The following ZFYVE28 variants were observed in gnomAD, a reference collection of about 807,000 sequenced individuals.
ZFYVE28 encodes lateral signaling target protein 2 homolog.
A neutral mutation model predicts 82.1 loss-of-function variants in ZFYVE28; 40 were observed. That is an observed-to-expected ratio of 0.49 (90% CI 0.38 to 0.63). ZFYVE28 has a LOEUF of 0.63. Ranked by LOEUF, ZFYVE28 falls within the 30% of genes least tolerant of loss-of-function variation. The pLI is 0.00. For synonymous variants in ZFYVE28, 612 were observed against 546.1 expected, an observed-to-expected ratio of 1.12 and a Z score of -1.68; for missense variants, 1,321 against 1,242.1, an observed-to-expected ratio of 1.06 and a Z score of -0.96.
chr4:2,328,948 T>C (rs1355081486), intron 6 of ZFYVE28: 1 of 493,746 alleles, frequency 2.0e-6, no homozygotes, highest in African/African-American at 1.9e-5. Context: ...TGTTTGGGTT[T>C]ATTTATGGCT....
chr4:2,303,558 A>G (rs1398920657), intron 8 of ZFYVE28, among the ~76,000 whole-genome samples: 1 of 152,118 alleles, frequency 6.6e-6, no homozygotes, highest in Admixed American at 6.5e-5. Flanking sequence ...CAGGGGGTCA[A>G]TGGCCCTGAC....
Position 2,353,970 on chromosome 4 carries a change from C to T in ZFYVE28, c.143G>A (p.Arg48Gln), listed in dbSNP as rs371207425. The T allele has an allele frequency of 1.3e-5, 20 of 1,578,996 alleles. No homozygotes were observed. The highest frequency in any genetic ancestry group is 1.1e-4 in the African/African-American group (8 of 73,300). Residue 48 changes from arginine to glutamine, a missense_variant, in exon 2 of 13, where the codon CGG becomes CAG. Transcript: ENST00000290974. ...GAACTGGCTGACCAGCAGCGTGCAC[C>T]GCTGGGGGTCCTTCCGCCCATCCAG... The part of the protein sequence containing the change: ...DSLDGRKDPQ[R>Q]CTLLVSQFRS...
chr4:2,414,633 C>G lies in ZFYVE28; in HGVS notation c.39+3652G>C, dbSNP rs143137819. On this transcript the variant is annotated intron_variant, in intron 1 of 12. Coordinates refer to ENST00000290974, the MANE Select transcript of ZFYVE28 (RefSeq NM_020972.3). ...CCAGCCAGCATAACCCACTGAGGGTCAATTCCTCCTCAAAGATGGAAAACA... is the reference window on the plus strand; with the variant it reads ...CCAGCCAGCATAACCCACTGAGGGTGAATTCCTCCTCAAAGATGGAAAACA... Among the ~76,000 whole-genome samples the G allele has an allele frequency of 5.3e-3, 806 of 152,322 alleles. 6 individuals are homozygous for G. Among genetic ancestry groups the G allele is most frequent in the Middle Eastern group, 0.014 (4 of 294 alleles).
Position 2,270,008 on chromosome 4 carries a change from C to T in ZFYVE28, c.*717G>A, listed in dbSNP as rs1225552218. 2.0e-5 allele frequency: 3 copies of T among 152,310 alleles called. No individual in the cohort carries two copies. The highest frequency in any genetic ancestry group is 4.4e-5 in the Non-Finnish European group (3 of 68,162). 9.4% of individuals were successfully genotyped at this position (152,310 alleles called of 1,614,324 possible). The stretch of plus-strand genomic sequence containing the variant: ...GATTGGTAAACCCGACCCAAGGCCC[C>T]GAGCAACCTCTGCCTGCGGTGTCAG... On this transcript the variant is annotated 3_prime_UTR_variant, in exon 13 of 13. Coordinates refer to ENST00000290974, the MANE Select transcript of ZFYVE28 (RefSeq NM_020972.3).
At chr4:2,346,008 C>A (rs1723481491) in intron 2 of ZFYVE28, among the ~76,000 whole-genome samples, 1 of 151,888 alleles carries the variant, frequency 6.6e-6, no homozygotes, top group Non-Finnish European at 1.5e-5. Flanking sequence ...AATTCATGAC[C>A]AGTAGATTTG....
chr4:2,386,535 T>C (rs1729276022), intron 1 of ZFYVE28, among the ~76,000 whole-genome samples: 1 of 152,162 alleles, frequency 6.6e-6, no homozygotes, highest in Non-Finnish European at 1.5e-5. Context: ...TCCTCATAAA[T>C]GAATCCAGCC....
rs1235941721 is a variant in ZFYVE28 at position 2,338,665 on chromosome 4, G to A, written c.521+788C>T. Among the ~76,000 whole-genome samples the A allele has an allele frequency of 2.0e-5, 3 of 152,174 alleles. No homozygotes were observed. The East Asian group carries it at 5.8e-4, about 29-fold the overall frequency. On this transcript the variant is annotated intron_variant, in intron 4 of 12. Coordinates refer to ENST00000290974, the MANE Select transcript of ZFYVE28 (RefSeq NM_020972.3). ...TATGGAAGCTGATTTAGAAAATTTG[G>A]GGAAGACAAGAAAATAAAACTCGAC...
At chr4:2,411,274 A>AATT (rs993219099) in intron 1 of ZFYVE28, among the ~76,000 whole-genome samples, 2 of 152,186 alleles carry the variant, frequency 1.3e-5, no homozygotes, top group African/African-American at 4.8e-5. Flanking sequence ...CAGCAGGAAA[A>AATT]CAATGAGAAA....
chr4:2,397,471 CAAAAAAAAAAA>C (rs35358830), intron 1 of ZFYVE28, among the ~76,000 whole-genome samples: 2 of 98,258 alleles, frequency 2.0e-5, no homozygotes, highest in Non-Finnish European at 4.0e-5. Context: ...GACTCGGTCT[CAAAAAAAAAAA>C]AAAAAAAAAA....
At chr4:2,350,617 G>A (rs952657213) in intron 2 of ZFYVE28, among the ~76,000 whole-genome samples, 1 of 152,184 alleles carries the variant, frequency 6.6e-6, no homozygotes, top group South Asian at 2.1e-4. Flanking sequence ...GCTTCAGGAT[G>A]GGGGGCTGGT....
intron 1 of ZFYVE28, among the ~76,000 whole-genome samples, chr4:2,381,287 G>A (rs546645988): frequency 3.9e-5 from 6 of 152,316 alleles, no homozygotes; most frequent in Non-Finnish European, 5.9e-5. Context: ...GGGTATCTGC[G>A]GGAAGAAATT....
At chr4:2,397,400 C>T (rs1578378631) in intron 1 of ZFYVE28, among the ~76,000 whole-genome samples, 1 of 151,634 alleles carries the variant, frequency 6.6e-6, no homozygotes, top group South Asian at 2.1e-4. Context: ...ATCGCTTGAA[C>T]CCAGGAGGTG....
intron 1 of ZFYVE28, among the ~76,000 whole-genome samples, chr4:2,369,804 T>G (rs922317259): frequency 3.8e-4 from 57 of 151,698 alleles, no homozygotes; most frequent in African/African-American, 1.4e-3. Flanking sequence ...GACCTCAGAC[T>G]TCTGGTCTCC....
At chr4:2,354,899 C>T (rs1489021298) in intron 1 of ZFYVE28, among the ~76,000 whole-genome samples, 5 of 151,976 alleles carry the variant, frequency 3.3e-5, no homozygotes, top group Admixed American at 3.3e-4. Flanking sequence ...CCACACACCC[C>T]CCACTTCTCT....
At chr4:2,321,639 G>C (rs938201697) in intron 6 of ZFYVE28, among the ~76,000 whole-genome samples, 1 of 152,082 alleles carries the variant, frequency 6.6e-6, no homozygotes, top group African/African-American at 2.4e-5. Flanking sequence ...TTAACTTTAT[G>C]GGTGAATCAG....
intron 1 of ZFYVE28, among the ~76,000 whole-genome samples, chr4:2,367,224 G>A (rs200344190): frequency 6.6e-6 from 1 of 152,370 alleles, no homozygotes; most frequent in African/African-American, 2.4e-5. Context: ...TAAACTGCCA[G>A]AGATCTCATT....
Position 2,409,918 on chromosome 4 carries a change from C to A in ZFYVE28, c.39+8367G>T, listed in dbSNP as rs1483866535. Among the ~76,000 whole-genome samples, 1 of 152,226 alleles carries A rather than the reference C, an allele frequency of 6.6e-6. No individual in the cohort carries two copies. The highest frequency in any genetic ancestry group is 1.5e-5 in the Non-Finnish European group (1 of 68,044). ...CCAGGAAGATGCCCCCGCCAGGTGG[C>A]CACAGTCAGCGGGCCAGGCTGGCAG... On this transcript the variant is annotated intron_variant, in intron 1 of 12. Transcript: ENST00000290974. This position sits in a 1 kb window ranked among gnomAD's most constrained non-coding sequence, Gnocchi z 4.4.
rs1720816369 is a variant in ZFYVE28 at position 2,332,216 on chromosome 4, G to A, written c.701+3489C>T. On this transcript the variant is annotated intron_variant, in intron 6 of 12. Coordinates refer to ENST00000290974, the MANE Select transcript of ZFYVE28 (RefSeq NM_020972.3). This position sits in a 1 kb window ranked among gnomAD's most constrained non-coding sequence, Gnocchi z 4.7. ...CTCCCCTCTGCTCTCAGTGTTCCCT[G>A]GGGGTCACCTGGGGGGTCCCAGGAT... Among the ~76,000 whole-genome samples the A allele has an allele frequency of 1.3e-5, 2 of 152,096 alleles. No individual in the cohort carries two copies. The highest frequency in any genetic ancestry group is 2.4e-5 in the African/African-American group (1 of 41,426).
chr4:2,318,051 A>C (rs1402368013), intron 7 of ZFYVE28, among the ~76,000 whole-genome samples: 7 of 152,312 alleles, frequency 4.6e-5, no homozygotes, highest in African/African-American at 1.7e-4. Flanking sequence ...AATGCCCCCA[A>C]GCTGCCAGCC....
Sources: allele counts gnomAD v4.1 joint callset (sites outside exome capture counted in the v4.1 genomes callset), GRCh38; gene constraint gnomAD v4.1.1; non-coding constraint Gnocchi (gnomAD v3.1); transcripts MANE v1.5; gene names NCBI Gene and HGNC (gene_info 2026-07-23, HGNC 2026-07-21).